SLC38A6: variants seen among roughly 807,000 people sequenced by gnomAD.
SLC38A6 encodes the protein N system amino acid transporter NAT-1.
In SLC38A6, 73 loss-of-function variants were observed where a neutral mutation model predicts 65.0. The ratio of observed to expected loss-of-function variants is 1.12; its 90% CI spans 0.93 to 1.37. The LOEUF is 1.37. SLC38A6 is among the 40% of genes most tolerant of loss of function. The pLI is 0.00. For synonymous variants in SLC38A6, 183 were observed against 178.8 expected (o/e 1.02, Z -0.19); for missense variants, 561 against 531.1 (o/e 1.06, Z -0.55).
At chr14:61,012,466 T>G (rs886530116) in intron 3 of SLC38A6, among the ~76,000 whole-genome samples, 4 of 152,182 alleles carry the variant, frequency 2.6e-5, no homozygotes, top group Non-Finnish European at 5.9e-5. Flanking sequence ...AGTTCTTTTA[T>G]TGTGATGTTA....
At chr14:61,071,380 C>A (rs2043219220) in intron 15 of SLC38A6, among the ~76,000 whole-genome samples, 1 of 151,964 alleles carries the variant, frequency 6.6e-6, no homozygotes, top group Admixed American at 6.6e-5. Flanking sequence ...ACTACATTGA[C>A]CTTCATTAAA....
At chr14:61,074,661 C>T (rs1404361958) in intron 15 of SLC38A6, among the ~76,000 whole-genome samples, 2 of 152,152 alleles carry the variant, frequency 1.3e-5, no homozygotes, top group African/African-American at 4.8e-5. Context: ...ACAGAACTTT[C>T]TGTGAACAAG....
chr14:61,066,928 A>G (rs2043037790), intron 15 of SLC38A6, among the ~76,000 whole-genome samples: 1 of 152,166 alleles, frequency 6.6e-6, no homozygotes, highest in Non-Finnish European at 1.5e-5. Flanking sequence ...TTCTTAGCAC[A>G]TATTATGTCC....
chr14:61,021,594 G>A (rs1360633139), intron 5 of SLC38A6, among the ~76,000 whole-genome samples: 1 of 152,154 alleles, frequency 6.6e-6, no homozygotes, highest in African/African-American at 2.4e-5. Flanking sequence ...GATAAATCAT[G>A]AGTTTTCCCA....
At chr14:61,003,946 A>T (rs1237246044) in intron 3 of SLC38A6, among the ~76,000 whole-genome samples, 1 of 152,060 alleles carries the variant, frequency 6.6e-6, no homozygotes, top group South Asian at 2.1e-4. Flanking sequence ...TTTTCTTCTC[A>T]ATTTGGAAGT....
intron 12 of SLC38A6, among the ~76,000 whole-genome samples, chr14:61,048,898 A>G (rs371775195): frequency 1.8e-4 from 28 of 152,322 alleles, no homozygotes; most frequent in African/African-American, 6.5e-4. Context: ...GAAATAAAAT[A>G]GTTTGCCATA....
Position 61,006,886 on chromosome 14 carries a change from C to A in SLC38A6, c.311-9018C>A, listed in dbSNP as rs551627921. On this transcript the variant is annotated intron_variant, in intron 3 of 15. Transcript: ENST00000267488. ...GACACATGCACACATATGTTTATTGCGGCACTATTCACAATAGCAAAGACT... is the reference window on the plus strand; with the variant it reads ...GACACATGCACACATATGTTTATTGAGGCACTATTCACAATAGCAAAGACT... 8.9e-4 allele frequency among the ~76,000 whole-genome samples: 136 copies of A among 152,040 alleles called. 1 individual carries two copies. The East Asian group carries it at 0.012, about 13-fold the overall frequency.
At position 61,043,191 on chromosome 14, in the gene SLC38A6, T is replaced by C; in HGVS notation, c.669T>C (p.Asn223=). Residue 223 remains asparagine, a synonymous_variant, in exon 9 of 16, where the codon AAT becomes AAC. Transcript: ENST00000267488. ...CCATCCCTTGTCCTCTGACATTAAA[T>C]TATGTAGAGAAAGGTTTCCAGGTAA... ...KWSIPCPLTL[N]YVEKGFQISN... 1 of 1,542,188 alleles carries C rather than the reference T, an allele frequency of 6.5e-7. No homozygotes were observed. The highest frequency in any genetic ancestry group is 8.9e-7 in the Non-Finnish European group (1 of 1,129,826).
intron 15 of SLC38A6, among the ~76,000 whole-genome samples, chr14:61,077,924 C>T (rs1000751975): frequency 6.6e-6 from 1 of 152,196 alleles, no homozygotes. Context: ...GAACTTTATT[C>T]TGGCGAGAGC....
At chr14:60,990,979 G>A (rs2037839749) in intron 3 of SLC38A6, among the ~76,000 whole-genome samples, 1 of 152,034 alleles carries the variant, frequency 6.6e-6, no homozygotes, top group African/African-American at 2.4e-5. Flanking sequence ...CATCGTGCCT[G>A]GCCAAAAAAT....
intron 5 of SLC38A6, among the ~76,000 whole-genome samples, chr14:61,025,286 C>A (rs1246509977): frequency 6.6e-6 from 1 of 152,156 alleles, no homozygotes; most frequent in Non-Finnish European, 1.5e-5. Flanking sequence ...CTTGGATTTG[C>A]TTTCTTCCTG....
chr14:61,007,181 G>A (rs927202098), intron 3 of SLC38A6, among the ~76,000 whole-genome samples: 4 of 152,090 alleles, frequency 2.6e-5, no homozygotes, highest in African/African-American at 9.7e-5. Context: ...TGTGGGGTGG[G>A]AGGAAGGGAG....
chr14:60,998,184 C>A (rs1262339057), intron 3 of SLC38A6, among the ~76,000 whole-genome samples: 1 of 151,558 alleles, frequency 6.6e-6, no homozygotes, highest in Non-Finnish European at 1.5e-5. Flanking sequence ...GGGTGGTTCC[C>A]CAGCAAAGGC....
At chr14:61,043,889 A>G (rs1004221137) in intron 10 of SLC38A6, among the ~76,000 whole-genome samples, 3 of 152,186 alleles carry the variant, frequency 2.0e-5, no homozygotes, top group African/African-American at 7.2e-5. Context: ...CCCTGTGAGT[A>G]GAACCTTGGT....
chr14:61,042,968 C>T (rs915977311), intron 8 of SLC38A6, among the ~76,000 whole-genome samples, 179 bp from the exon 9 acceptor site: 3 of 152,176 alleles, frequency 2.0e-5, no homozygotes, highest in Non-Finnish European at 2.9e-5. Context: ...CTCCAACCGC[C>T]TCCCTACCAC....
chr14:60,998,709 CAGG>C (rs2038469417), intron 3 of SLC38A6, among the ~76,000 whole-genome samples: 1 of 152,220 alleles, frequency 6.6e-6, no homozygotes, highest in Admixed American at 6.5e-5. Context: ...TCAGGAGTTG[CAGG>C]CATGTATTCC....
chr14:61,050,868 C>T (rs745806342), intron 13 of SLC38A6, among the ~76,000 whole-genome samples: 3 of 152,144 alleles, frequency 2.0e-5, no homozygotes, highest in Admixed American at 6.5e-5. Context: ...GATTTACGTT[C>T]TCCCACAGCA....
At chr14:61,020,817 A>G (rs2040306359) in intron 5 of SLC38A6, among the ~76,000 whole-genome samples, 1 of 152,136 alleles carries the variant, frequency 6.6e-6, no homozygotes, top group African/African-American at 2.4e-5. Context: ...AATATGATGT[A>G]TATTTTTATA....
intron 15 of SLC38A6, among the ~76,000 whole-genome samples, chr14:61,062,247 AC>A (rs1204180681): frequency 1.3e-5 from 2 of 152,198 alleles, no homozygotes; most frequent in East Asian, 3.8e-4. Context: ...TTGCCAAACT[AC>A]CTTCCAAAAT....
Sources: gnomAD v4.1 joint callset for allele counts (sites outside exome capture counted in the v4.1 genomes callset) on GRCh38, gnomAD v4.1.1 for gene constraint, MANE v1.5 for transcripts, NCBI Gene and HGNC (gene_info 2026-07-23, HGNC 2026-07-21) for gene names.